SLC41A3: variants seen among roughly 807,000 people sequenced by gnomAD.
The protein encoded by SLC41A3 is SLC41A1-like 2.
In SLC41A3, 44 loss-of-function variants were observed where a neutral mutation model predicts 45.4. The observed-to-expected ratio is 0.97, with a 90% CI of 0.76 to 1.25. The LOEUF is 1.25. SLC41A3 is among the 50% of genes most tolerant of loss of function. SLC41A3 has a pLI of 0.00. For missense variants in SLC41A3, 550 were observed against 600.6 expected, an observed-to-expected ratio of 0.92 and a Z score of 0.88; for synonymous variants, 256 against 252.4, an observed-to-expected ratio of 1.01 and a Z score of -0.13.
Position 126,033,640 on chromosome 3 carries a change from G to A in SLC41A3, c.420C>T (p.His140=). Residue 140 remains histidine (H), a synonymous_variant, in exon 4 of 11, where the codon CAC becomes CAT. Transcript: ENST00000360370. ...GGGCCAGGTTGCTGCTGATGACTCT[G>A]TGCTGCTCCTGGGGGTCATCAATTT... ...TGQIDDPQEQ[H]RVISSNLALI... The A allele has an allele frequency of 7.4e-6, 12 of 1,613,218 alleles. No homozygotes were observed. The highest frequency in any genetic ancestry group is 9.3e-6 in the Non-Finnish European group (11 of 1,179,894).
chr3:126,052,960 G>A (rs568940007), intron 2 of SLC41A3, among the ~76,000 whole-genome samples: 35 of 152,204 alleles, frequency 2.3e-4, no homozygotes, highest in Non-Finnish European at 4.9e-4. Context: ...GGCGGAAGAC[G>A]GCGGGGGAAG....
Position 126,068,287 on chromosome 3 carries a change from T to C in SLC41A3, c.-27-41A>G, listed in dbSNP as rs544995826. The C allele has an allele frequency of 4.1e-6, 6 of 1,454,616 alleles. No homozygotes were observed. In the African/African-American group the frequency reaches 7.1e-5, roughly 17 times the overall value. The allele number at this position is 1,454,616 out of a possible 1,614,324, so 90.1% of individuals were successfully genotyped here. ...CAAAGTTGTAGGGCCAAGTTCCTGA[T>C]TCCCATGGCGCTAACACCCAAGGAG... On this transcript the variant is annotated intron_variant, in intron 1 of 10. Coordinates refer to ENST00000360370, the MANE Select transcript of SLC41A3 (RefSeq NM_017836.4).
intron 4 of SLC41A3, among the ~76,000 whole-genome samples, chr3:126,031,874 C>T (rs1229673858): frequency 6.6e-6 from 1 of 152,240 alleles, no homozygotes; most frequent in Non-Finnish European, 1.5e-5. Context: ...TCTGCAGTTC[C>T]TCAGCCACAG....
At position 126,006,527 on chromosome 3, in the gene SLC41A3, T is replaced by C. The variant is rs1939115443; in HGVS notation, c.*489A>G. 1 of 1,612,554 alleles carries C rather than the reference T, an allele frequency of 6.2e-7. No homozygotes were observed. Among genetic ancestry groups the C allele is most frequent in the Admixed American group, 1.7e-5 (1 of 59,528 alleles). On this transcript the variant is annotated 3_prime_UTR_variant, in exon 11 of 11. Transcript: ENST00000360370. ...CCCATCCTGGGGAGGCTGTACACCT[T>C]CTTGGCACAGCAGCAGTGTGGCCCA...
At position 126,012,720 on chromosome 3, in the gene SLC41A3, T is replaced by A. The variant is rs1490199108; in HGVS notation, c.1000A>T (p.Thr334Ser). ...GVGGNLVAIQ[T>S]SRISTYLHMW... ...TGCAGGTAGGTTGAGATTCGGCTGG[T>A]CTGAATGGCCACCAGATTGCCACCA... Residue 334 changes from threonine (T) to serine (S), a missense_variant, in exon 9 of 11, where the codon ACC becomes TCC. By Grantham distance (58) the Thr-to-Ser change is moderately conservative. Coordinates refer to ENST00000360370, the MANE Select transcript of SLC41A3 (RefSeq NM_017836.4). The A allele has an allele frequency of 1.9e-6, 3 of 1,614,096 alleles. No individual in the cohort carries two copies. In the South Asian group the frequency reaches 3.3e-5, roughly 18 times the overall value.
intron 9 of SLC41A3, among the ~76,000 whole-genome samples, chr3:126,009,338 G>A (rs990816128): frequency 3.3e-5 from 5 of 152,132 alleles, no homozygotes; most frequent in Non-Finnish European, 5.9e-5. Flanking sequence ...TCAGTGCAGC[G>A]CTGGTGATCT....
At position 126,026,947 on chromosome 3, in the gene SLC41A3, C is replaced by T. The variant is rs183334721; in HGVS notation, c.454-468G>A. 1.3e-5 allele frequency among the ~76,000 whole-genome samples: 2 copies of T among 152,336 alleles called. No homozygotes were observed. The highest frequency in any genetic ancestry group is 6.5e-5 in the Admixed American group (1 of 15,298). On this transcript the variant is annotated intron_variant, in intron 4 of 10. Coordinates refer to ENST00000360370, the MANE Select transcript of SLC41A3 (RefSeq NM_017836.4). This position sits in a 1 kb window ranked among gnomAD's most constrained non-coding sequence, Gnocchi z 4.2. The stretch of plus-strand genomic sequence containing the variant: ...TCTCCTTTGGCACCCTGCTCACACC[C>T]TCCCCTTCCAGGCTCTGTTCCCATC...
intron 3 of SLC41A3, among the ~76,000 whole-genome samples, chr3:126,039,869 C>T (rs1942464853): frequency 6.6e-6 from 1 of 152,224 alleles, no homozygotes; most frequent in Admixed American, 6.5e-5. Context: ...TATATACATA[C>T]ATACGTTTCC....
At chr3:126,017,376 T>C (rs912850384) in intron 6 of SLC41A3, among the ~76,000 whole-genome samples, 1 of 152,202 alleles carries the variant, frequency 6.6e-6, no homozygotes, top group African/African-American at 2.4e-5. Context: ...GGGCCGGCTA[T>C]GGGATGCCAC....
chr3:126,084,791 C>T (rs748178416), upstream of SLC41A3, among the ~76,000 whole-genome samples: 4 of 152,106 alleles, frequency 2.6e-5, no homozygotes, highest in Non-Finnish European at 4.4e-5. Context: ...GATAAGGCAC[C>T]TCCCCGTTCC....
At chr3:126,086,206 C>G (rs775442776), upstream of SLC41A3, among the ~76,000 whole-genome samples, 1 of 152,106 alleles carries the variant, frequency 6.6e-6, no homozygotes, top group Non-Finnish European at 1.5e-5. Flanking sequence ...CTTGCCAGAG[C>G]TTATGTAAAA....
At chr3:126,092,071 C>G (rs1254878800) in intron 1 of SLC41A3, among the ~76,000 whole-genome samples, 1 of 152,228 alleles carries the variant, frequency 6.6e-6, no homozygotes, top group African/African-American at 2.4e-5. Flanking sequence ...CCCTGAGTTA[C>G]TGGCAGCAAA....
rs1023703127 is a variant in SLC41A3 at position 126,068,234 on chromosome 3, G to C, written c.-15C>G. 1.1e-5 allele frequency: 16 copies of C among 1,502,320 alleles called. No individual in the cohort carries two copies. Among genetic ancestry groups the C allele is most frequent in the Non-Finnish European group, 1.4e-5 (16 of 1,127,062 alleles). The allele number at this position is 1,502,320 out of a possible 1,614,324, so 93.1% of individuals were successfully genotyped here. On this transcript the variant is annotated 5_prime_UTR_variant, in exon 2 of 11. Coordinates refer to ENST00000360370, the MANE Select transcript of SLC41A3 (RefSeq NM_017836.4). ...GTCCCATCCATCTGGGCACAGCTGG[G>C]CGCCTGGCAGCCCTACAGTGGGAGA...
intron 2 of SLC41A3, among the ~76,000 whole-genome samples, chr3:126,059,307 A>AAAGGAAGAAAGG (rs1943926160): frequency 5.1e-5 from 3 of 59,348 alleles, no homozygotes; most frequent in East Asian, 4.3e-4. Flanking sequence ...AGAAAGAAAG[A>AAAGGAAGAAAGG]AAGGAAGGAT....
At chr3:126,032,661 A>G (rs1265806330) in intron 4 of SLC41A3, among the ~76,000 whole-genome samples, 5 of 152,194 alleles carry the variant, frequency 3.3e-5, no homozygotes, top group Non-Finnish European at 7.4e-5. Context: ...AGAGAAGACA[A>G]TGAGGCCAGA....
At chr3:126,093,232 G>A (rs546606832) in intron 1 of SLC41A3, among the ~76,000 whole-genome samples, 6 of 152,270 alleles carry the variant, frequency 3.9e-5, no homozygotes, top group South Asian at 2.1e-4. Flanking sequence ...AATAATCAGC[G>A]AGTCAGGCTG....
intron 1 of SLC41A3, among the ~76,000 whole-genome samples, chr3:126,071,086 C>G (rs890043979): frequency 6.6e-6 from 1 of 151,898 alleles, no homozygotes; most frequent in African/African-American, 2.4e-5. Context: ...AATGGGGAAA[C>G]AGGGAAAAAA....
intron 3 of SLC41A3, among the ~76,000 whole-genome samples, chr3:126,044,603 A>G (rs1198756787): frequency 6.6e-6 from 1 of 152,216 alleles, no homozygotes; most frequent in Non-Finnish European, 1.5e-5. Flanking sequence ...GAAGATTAAA[A>G]TCATACAGAG....
At chr3:126,085,579 C>T (rs1481929762), upstream of SLC41A3, 3 of 152,092 alleles carry the variant, frequency 2.0e-5, no homozygotes, top group African/African-American at 7.2e-5. Context: ...GGTTTTTCTC[C>T]TAGGAAGTTG....
Sources: allele counts gnomAD v4.1 joint callset (sites outside exome capture counted in the v4.1 genomes callset), GRCh38; gene constraint gnomAD v4.1.1; non-coding constraint Gnocchi (gnomAD v3.1); transcripts MANE v1.5; gene names NCBI Gene and HGNC (gene_info 2026-07-23, HGNC 2026-07-21).